The following DCAF5 variants were observed in gnomAD, a reference collection of about 807,000 sequenced individuals.
DCAF5 encodes DDB1- and CUL4-associated factor 5.
In DCAF5, 9 loss-of-function variants were observed where a neutral mutation model predicts 80.7. The ratio of observed to expected loss-of-function variants is 0.11; its 90% CI spans 0.07 to 0.19. DCAF5 has a LOEUF of 0.19. DCAF5 is among the 10% of genes least tolerant of loss of function. The probability of loss-of-function intolerance (pLI) is 1.00; values close to 1 mark genes in which losing one functional copy is unlikely to be tolerated. For synonymous variants in DCAF5, 433 were observed against 461.9 expected, an observed-to-expected ratio of 0.94 and a Z score of 0.80; for missense variants, 842 against 1,205.7, an observed-to-expected ratio of 0.70 and a Z score of 4.47.
chr14:69,098,973 C>A (rs984233525), intron 5 of DCAF5, among the ~76,000 whole-genome samples: 2 of 151,084 alleles, frequency 1.3e-5, no homozygotes, highest in African/African-American at 4.9e-5. Flanking sequence ...AACTAACAGG[C>A]CTGGCGCAGT....
At chr14:69,115,762 G>A (rs1336483771) in intron 5 of DCAF5, among the ~76,000 whole-genome samples, 2 of 152,152 alleles carry the variant, frequency 1.3e-5, no homozygotes, top group Non-Finnish European at 2.9e-5. Context: ...TTTTCATAGT[G>A]CCATGTGGAG....
Position 69,148,757 on chromosome 14 carries a change from A to G in DCAF5, c.214+4008T>C, listed in dbSNP as rs547465687. On this transcript the variant is annotated intron_variant, in intron 1 of 8. Transcript: ENST00000341516. ...TCAAGTTCATAAAGCACCTTCACAT[A>G]TAACATTTCATTGACCATTCACTAC... Among the ~76,000 whole-genome samples, 37 of 152,328 alleles carry G rather than the reference A, an allele frequency of 2.4e-4. No individual in the cohort carries two copies. In the East Asian group the frequency reaches 6.4e-3, roughly 26 times the overall value.
chr14:69,072,253 G>C (rs575219864), intron 7 of DCAF5, among the ~76,000 whole-genome samples: 14 of 152,250 alleles, frequency 9.2e-5, no homozygotes, highest in African/African-American at 3.1e-4. Context: ...AAAATATTAT[G>C]AGCATGTTAT....
chr14:69,054,945 T>C lies in DCAF5; in HGVS notation c.1741A>G (p.Thr581Ala), dbSNP rs761069815. 1 of 1,614,224 alleles carries C rather than the reference T, an allele frequency of 6.2e-7. No homozygotes were observed. The highest frequency in any genetic ancestry group is 1.1e-5 in the South Asian group (1 of 91,092). ...CGCCGCATGGCATTCCGCTGCCAGG[T>C]AGAGGCTCGGCGTTCATTCAGCTCC... Reference protein sequence around the residue: ...EEELNERRASTWQRNAMRRRQ... With the variant: ...EEELNERRASAWQRNAMRRRQ... The change falls in exon 9 of 9, where the codon ACC becomes GCC. Residue 581 changes from threonine (T) to alanine (A), a missense_variant. Thr to Ala is a moderately conservative substitution (Grantham distance 58). Coordinates refer to ENST00000341516, the MANE Select transcript of DCAF5 (RefSeq NM_003861.3).
intron 5 of DCAF5, among the ~76,000 whole-genome samples, chr14:69,092,948 A>T (rs1227541171): frequency 6.6e-6 from 1 of 152,242 alleles, no homozygotes; most frequent in African/African-American, 2.4e-5. Context: ...GCAGTTTCAT[A>T]AGATTCACAT....
intron 1 of DCAF5, among the ~76,000 whole-genome samples, chr14:69,148,721 T>C (rs768772314): frequency 6.6e-6 from 1 of 152,104 alleles, no homozygotes; most frequent in Non-Finnish European, 1.5e-5. Context: ...AAAAGTAATG[T>C]TCACTCAAAA....
In DCAF5 at chr14:69,052,705, C is replaced by T. The variant is rs1357066754; in HGVS notation, c.*1152G>A. ...GAGACTCCTCCCCAACACCTTCTGACTCCTAATAGACCTACTCAATAAGAA... is the reference window on the plus strand; with the variant it reads ...GAGACTCCTCCCCAACACCTTCTGATTCCTAATAGACCTACTCAATAAGAA... On this transcript the variant is annotated 3_prime_UTR_variant, in exon 9 of 9. Coordinates refer to ENST00000341516, the MANE Select transcript of DCAF5 (RefSeq NM_003861.3). 1 of 152,200 alleles carries T rather than the reference C, an allele frequency of 6.6e-6. No homozygotes were observed. Among genetic ancestry groups the T allele is most frequent in the Non-Finnish European group, 1.5e-5 (1 of 68,044 alleles). 9.4% of individuals were successfully genotyped at this position (152,200 alleles called of 1,614,324 possible). A position where few individuals can be genotyped will look rare whatever the true frequency, so the allele number is the denominator to read the frequency against.
intron 5 of DCAF5, among the ~76,000 whole-genome samples, chr14:69,108,988 A>T (rs2040259606): frequency 6.6e-6 from 1 of 152,172 alleles, no homozygotes; most frequent in South Asian, 2.1e-4. Flanking sequence ...GTAGGGAAGA[A>T]GATAAATACC....
intron 7 of DCAF5, among the ~76,000 whole-genome samples, chr14:69,069,640 CTTTT>C (rs1014610775): frequency 6.6e-6 from 1 of 151,998 alleles, no homozygotes; most frequent in African/African-American, 2.4e-5. Context: ...TTTCTTCTTT[CTTTT>C]TATTATTATT....
chr14:69,081,393 C>A (rs1400281281), intron 6 of DCAF5, among the ~76,000 whole-genome samples: 1 of 152,178 alleles, frequency 6.6e-6, no homozygotes, highest in Non-Finnish European at 1.5e-5. Flanking sequence ...CATAATCTTT[C>A]CCAGCTGGCT....
chr14:69,069,977 C>T (rs557934977), intron 7 of DCAF5, among the ~76,000 whole-genome samples: 1 of 152,262 alleles, frequency 6.6e-6, no homozygotes, highest in East Asian at 1.9e-4. Context: ...AGTACTCTCA[C>T]AATAATCCTA....
chr14:69,115,581 C>T (rs768394301), intron 5 of DCAF5, among the ~76,000 whole-genome samples: 1 of 152,146 alleles, frequency 6.6e-6, no homozygotes, highest in Non-Finnish European at 1.5e-5. Flanking sequence ...TTTTTTAATA[C>T]AGCATGGCCA....
chr14:69,111,548 G>A (rs1367031350), intron 5 of DCAF5, among the ~76,000 whole-genome samples: 1 of 152,182 alleles, frequency 6.6e-6, no homozygotes, highest in East Asian at 1.9e-4. Flanking sequence ...AAGGGAGAGA[G>A]GTAGTGAGTA....
chr14:69,075,613 C>A (rs556674430), intron 6 of DCAF5, among the ~76,000 whole-genome samples: 2 of 152,270 alleles, frequency 1.3e-5, no homozygotes, highest in South Asian at 2.1e-4. Flanking sequence ...TCCAGAGTAG[C>A]TGGGACTACA....
At chr14:69,079,925 G>A (rs1462925989) in intron 6 of DCAF5, among the ~76,000 whole-genome samples, 1 of 152,134 alleles carries the variant, frequency 6.6e-6, no homozygotes, top group Non-Finnish European at 1.5e-5. Context: ...GAGTGCTGGG[G>A]GTTGGGGTGT....
At chr14:69,115,840 T>C (rs1158014082) in intron 5 of DCAF5, among the ~76,000 whole-genome samples, 1 of 152,174 alleles carries the variant, frequency 6.6e-6, no homozygotes, top group Non-Finnish European at 1.5e-5. Context: ...ACTATAAAGG[T>C]CATTAGTCCT....
At chr14:69,100,545 T>G (rs1298924337) in intron 5 of DCAF5, among the ~76,000 whole-genome samples, 5 of 152,186 alleles carry the variant, frequency 3.3e-5, no homozygotes, top group Non-Finnish European at 7.3e-5. Flanking sequence ...CTTTGGTAGA[T>G]TTCTAGATAC....
At chr14:69,062,907 G>A (rs1360443715) in intron 7 of DCAF5, among the ~76,000 whole-genome samples, 3 of 152,088 alleles carry the variant, frequency 2.0e-5, no homozygotes, top group South Asian at 2.1e-4. Flanking sequence ...CCAAGGACAC[G>A]CAGAACCAGA....
intron 5 of DCAF5, 58 bp from the exon 6 acceptor site, chr14:69,091,945 A>G (rs1294543575): frequency 2.1e-6 from 3 of 1,462,558 alleles, no homozygotes; most frequent in East Asian, 2.4e-5. Context: ...GAGTCTGAAA[A>G]ACACATGTTT....
Sources: gnomAD v4.1 joint callset for allele counts (sites outside exome capture counted in the v4.1 genomes callset) on GRCh38, gnomAD v4.1.1 for gene constraint, MANE v1.5 for transcripts, NCBI Gene and HGNC (gene_info 2026-07-23, HGNC 2026-07-21) for gene names.